The following SGCD variants were observed in gnomAD, a reference collection of about 807,000 sequenced individuals.
SGCD encodes delta-sarcoglycan.
In SGCD, 18 loss-of-function variants were observed where a neutral mutation model predicts 36.6. That is an observed-to-expected ratio of 0.49 (90% CI 0.34 to 0.73). The LOEUF (loss-of-function observed/expected upper bound fraction) is 0.73. SGCD is among the 30% of genes least tolerant of loss of function. SGCD has a pLI of 0.01. For synonymous variants in SGCD, 133 were observed against 130.6 expected, an observed-to-expected ratio of 1.02 and a Z score of -0.12; for missense variants, 387 against 346.7, an observed-to-expected ratio of 1.12 and a Z score of -0.92.
chr5:156,600,546 T>A (rs1761150626), intron 6 of SGCD, among the ~76,000 whole-genome samples: 1 of 152,202 alleles, frequency 6.6e-6, no homozygotes, highest in South Asian at 2.1e-4. Flanking sequence ...ATAACACATT[T>A]TCTTTATGTA....
chr5:156,251,391 CA>C (rs1765573477), intron 3 of SGCD, among the ~76,000 whole-genome samples: 1 of 152,166 alleles, frequency 6.6e-6, no homozygotes, highest in Admixed American at 6.6e-5. Flanking sequence ...CTACTGTTAA[CA>C]GTTTGGATTG....
chr5:155,968,943 G>A (rs78080918), intron 1 of SGCD, among the ~76,000 whole-genome samples: 2,366 of 152,104 alleles, frequency 0.016, 63 homozygotes, highest in African/African-American at 0.053. Context: ...TAATTCTGTA[G>A]CTTGTTTTTA....
intron 3 of SGCD, among the ~76,000 whole-genome samples, chr5:156,191,821 T>C (rs1018852118): frequency 6.6e-6 from 1 of 152,298 alleles, no homozygotes; most frequent in Admixed American, 6.5e-5. Flanking sequence ...ACAGTTCAGC[T>C]GCAGGAGTGC....
intron 1 of SGCD, among the ~76,000 whole-genome samples, chr5:156,116,603 G>A (rs936546109): frequency 6.6e-5 from 10 of 152,134 alleles, no homozygotes; most frequent in Admixed American, 3.3e-4. Context: ...GCAAAGATGA[G>A]TTCAGGTCTC....
intron 3 of SGCD, among the ~76,000 whole-genome samples, chr5:156,436,086 C>T (rs946322231): frequency 6.6e-6 from 1 of 152,148 alleles, no homozygotes; most frequent in Admixed American, 6.6e-5. Context: ...TTGTCTGTAG[C>T]CTGTTTGTTC....
At chr5:155,865,081 GCCAT>G in the SGCD span, among the ~76,000 whole-genome samples, 1 of 105,410 alleles carries the variant, frequency 9.5e-6, no homozygotes, top group Admixed American at 1.1e-4. Context: ...GTTATACATA[GCCAT>G]AGATAGATAG....
chr5:156,236,693 C>A (rs1765172967), intron 3 of SGCD, among the ~76,000 whole-genome samples: 1 of 152,032 alleles, frequency 6.6e-6, no homozygotes, highest in Non-Finnish European at 1.5e-5. Flanking sequence ...CGTGATCCAC[C>A]CTTCTTGGCC....
At chr5:156,500,868 TC>T in intron 3 of SGCD, among the ~76,000 whole-genome samples, 1 of 152,062 alleles carries the variant, frequency 6.6e-6, no homozygotes, top group Non-Finnish European at 1.5e-5. Flanking sequence ...GCAATTTCCA[TC>T]CCCATCCCAC....
At chr5:156,313,608 T>C (rs1767444932) in intron 3 of SGCD, among the ~76,000 whole-genome samples, 1 of 152,108 alleles carries the variant, frequency 6.6e-6, no homozygotes, top group African/African-American at 2.4e-5. Context: ...TAAATCTAAG[T>C]ACCTCCGAAT....
Position 156,586,934 on chromosome 5 carries a change from T to TG in SGCD, c.295-2291dup, listed in dbSNP as rs371939916. ...ACTTTACACATATTTTTCTTTATTT[T>TG]GGGGGGTCTTTTTTTCAACATCATT... On this transcript the variant is annotated intron_variant, in intron 4 of 8. Coordinates refer to ENST00000337851, the MANE Select transcript of SGCD (RefSeq NM_000337.6). Among the ~76,000 whole-genome samples the TG allele has an allele frequency of 2.0e-3, 299 of 152,288 alleles. 1 individual carries two copies. The highest frequency in any genetic ancestry group is 6.8e-3 in the African/African-American group (283 of 41,562).
chr5:156,275,194 C>T lies in SGCD; in HGVS notation c.-43-54340C>T, dbSNP rs115022406. Reference sequence around the variant, plus strand: ...GGGAGAATAGGAAAATAGGACAGATCACTATCCACAGGGTAGAAAGGCCTC... The same window carrying T: ...GGGAGAATAGGAAAATAGGACAGATTACTATCCACAGGGTAGAAAGGCCTC... On this transcript the variant is annotated intron_variant, in intron 3 of 9. Coordinates refer to the SGCD transcript ENST00000517913. Among the ~76,000 whole-genome samples the T allele has an allele frequency of 9.5e-3, 1,444 of 152,218 alleles. 14 individuals are homozygous for T. Among genetic ancestry groups the T allele is most frequent in the African/African-American group, 0.034 (1,395 of 41,520 alleles).
chr5:156,588,608 A>G (rs904878495), intron 4 of SGCD, among the ~76,000 whole-genome samples: 2 of 152,184 alleles, frequency 1.3e-5, no homozygotes, highest in Admixed American at 1.3e-4. Flanking sequence ...TAAAGGGCAG[A>G]GTAGATACAG....
chr5:155,742,115 T>G, the SGCD span, among the ~76,000 whole-genome samples: 1 of 152,200 alleles, frequency 6.6e-6, no homozygotes, highest in Non-Finnish European at 1.5e-5. Flanking sequence ...TTCCCTCCCA[T>G]TTCACTTGGG....
chr5:156,001,956 T>C (rs1236005332), intron 1 of SGCD, among the ~76,000 whole-genome samples: 1 of 152,214 alleles, frequency 6.6e-6, no homozygotes, highest in Non-Finnish European at 1.5e-5. Flanking sequence ...CTGGTTTACC[T>C]CACATTGAGA....
chr5:155,956,708 A>G (rs1299875575), intron 1 of SGCD, among the ~76,000 whole-genome samples: 3 of 151,840 alleles, frequency 2.0e-5, no homozygotes, highest in Admixed American at 6.6e-5. Context: ...GGCATTCAAC[A>G]TCACTGCAGC....
At chr5:156,082,286 G>A (rs1408358296) in intron 1 of SGCD, among the ~76,000 whole-genome samples, 1 of 136,158 alleles carries the variant, frequency 7.3e-6, no homozygotes, top group East Asian at 2.2e-4. Flanking sequence ...GGTCCAGGGG[G>A]TGGGGGTAGT....
At chr5:156,632,914 C>T (rs1349832259) in intron 6 of SGCD, among the ~76,000 whole-genome samples, 1 of 152,148 alleles carries the variant, frequency 6.6e-6, no homozygotes, top group Non-Finnish European at 1.5e-5. Flanking sequence ...GAATCCACCC[C>T]AGCTAGGTCA....
intron 3 of SGCD, among the ~76,000 whole-genome samples, chr5:156,135,577 C>T (rs1211484239): frequency 1.3e-5 from 2 of 151,980 alleles, no homozygotes; most frequent in African/African-American, 2.4e-5. Context: ...GTCCAGCTTC[C>T]AGTTACTTTT....
At chr5:155,789,666 T>C in the SGCD span, among the ~76,000 whole-genome samples, 33 of 152,200 alleles carry the variant, frequency 2.2e-4, no homozygotes, top group Admixed American at 2.2e-3. Flanking sequence ...GTTATACAAA[T>C]AGTGATTCTT....
Sources: allele counts gnomAD v4.1 joint callset (sites outside exome capture counted in the v4.1 genomes callset), GRCh38; gene constraint gnomAD v4.1.1; transcripts MANE v1.5; gene names NCBI Gene and HGNC (gene_info 2026-07-23, HGNC 2026-07-21).